The following ATRNL1 variants were observed in gnomAD, a reference collection of about 807,000 sequenced individuals.
The protein encoded by ATRNL1 is attractin like 1.
ATRNL1 carries 95 observed loss-of-function variants against 182.7 expected under a neutral mutation model. That is an observed-to-expected ratio of 0.52 (90% CI 0.44 to 0.62). The LOEUF (loss-of-function observed/expected upper bound fraction) is 0.62, where lower values mean the gene tolerates loss of function less well. Ranked by LOEUF, ATRNL1 falls within the 20% of genes least tolerant of loss-of-function variation. The pLI is 0.00. For missense variants in ATRNL1, 1,471 were observed against 1,679.5 expected (o/e 0.88, Z 2.17); for synonymous variants, 576 against 568.3 (o/e 1.01, Z -0.19).
In ATRNL1 at chr10:115,327,078, A is replaced by G. The variant is rs1178466643; in HGVS notation, c.3038-7204A>G. On this transcript the variant is annotated intron_variant, in intron 18 of 28. Coordinates refer to ENST00000355044, the MANE Select transcript of ATRNL1 (RefSeq NM_207303.4). ...GCAATGGCAACAAAAGCCAAAATTG[A>G]CAAATGGGATCTAATTAAACTAAAG... Among the ~76,000 whole-genome samples, 69 of 151,326 alleles carry G rather than the reference A, an allele frequency of 4.6e-4. 1 individual carries two copies. Among genetic ancestry groups the G allele is most frequent in the Non-Finnish European group, 1.0e-4 (7 of 67,492 alleles).
intron 26 of ATRNL1, among the ~76,000 whole-genome samples, chr10:115,697,604 G>A (rs1352843847): frequency 1.3e-5 from 2 of 152,106 alleles, no homozygotes; most frequent in African/African-American, 4.8e-5. Context: ...AGGATTACAG[G>A]CATGAGCCAC....
At chr10:115,316,303 G>T (rs895188409) in intron 18 of ATRNL1, among the ~76,000 whole-genome samples, 1 of 152,066 alleles carries the variant, frequency 6.6e-6, no homozygotes, top group South Asian at 2.1e-4. Context: ...ACTTTTTATG[G>T]CTATGCAGTA....
At chr10:115,202,747 A>C (rs1473392743) in intron 8 of ATRNL1, among the ~76,000 whole-genome samples, 2 of 146,144 alleles carry the variant, frequency 1.4e-5, no homozygotes, top group African/African-American at 2.6e-5. Flanking sequence ...CTGGCCTCAT[A>C]AAATGAGTTA....
intron 9 of ATRNL1, among the ~76,000 whole-genome samples, chr10:115,239,575 C>T (rs1564843455): frequency 6.6e-6 from 1 of 152,042 alleles, no homozygotes; most frequent in Non-Finnish European, 1.5e-5. Flanking sequence ...TGGGGAAAAA[C>T]TTCTGTGCTA....
chr10:115,189,271 TAAAC>T (rs1247933027), intron 8 of ATRNL1, among the ~76,000 whole-genome samples: 2 of 152,164 alleles, frequency 1.3e-5, no homozygotes, highest in Non-Finnish European at 2.9e-5. Flanking sequence ...ATGCTGATAA[TAAAC>T]AACTATGTTA....
chr10:115,412,525 T>C (rs1554960130), intron 20 of ATRNL1, among the ~76,000 whole-genome samples: 1 of 152,252 alleles, frequency 6.6e-6, no homozygotes, highest in African/African-American at 2.4e-5. Flanking sequence ...TGTATTTTTA[T>C]TGAGCAATAG....
chr10:115,640,785 A>G (rs1859191339), intron 26 of ATRNL1, among the ~76,000 whole-genome samples: 1 of 152,084 alleles, frequency 6.6e-6, no homozygotes, highest in Admixed American at 6.5e-5. Flanking sequence ...ATTAGATCCC[A>G]TTTGTCAATT....
chr10:115,604,203 G>T (rs1237377443), intron 26 of ATRNL1, among the ~76,000 whole-genome samples: 1 of 151,986 alleles, frequency 6.6e-6, no homozygotes, highest in East Asian at 1.9e-4. Flanking sequence ...ATATGAATTT[G>T]GTTGTATTTT....
chr10:115,417,385 T>C (rs1845441066), intron 20 of ATRNL1, among the ~76,000 whole-genome samples: 1 of 152,178 alleles, frequency 6.6e-6, no homozygotes, highest in African/African-American at 2.4e-5. Context: ...ATCCTGCAGA[T>C]TGTGAGTCTG....
chr10:115,369,183 A>T (rs1340147468), intron 19 of ATRNL1, among the ~76,000 whole-genome samples: 2 of 151,120 alleles, frequency 1.3e-5, no homozygotes, highest in Admixed American at 6.6e-5. Flanking sequence ...TTTTAAATAT[A>T]TATATTATAA....
chr10:115,223,816 TA>T (rs1255868410), intron 9 of ATRNL1, among the ~76,000 whole-genome samples: 4 of 146,972 alleles, frequency 2.7e-5, no homozygotes, highest in African/African-American at 7.5e-5. Context: ...GGTGATTACA[TA>T]AAAATAATAA....
chr10:115,679,303 TTTGG>T (rs1396150099), intron 26 of ATRNL1, among the ~76,000 whole-genome samples: 12 of 151,786 alleles, frequency 7.9e-5, no homozygotes, highest in African/African-American at 1.7e-4. Flanking sequence ...TTTTTGTTTG[TTTGG>T]TTGGTTGGTT....
chr10:115,590,870 T>C (rs556123697), intron 26 of ATRNL1, among the ~76,000 whole-genome samples: 1 of 152,302 alleles, frequency 6.6e-6, no homozygotes, highest in South Asian at 2.1e-4. Flanking sequence ...ACCATCCCTC[T>C]TCCTGTGTGA....
intron 27 of ATRNL1, among the ~76,000 whole-genome samples, chr10:115,765,635 A>C (rs909943600): frequency 6.6e-6 from 1 of 152,172 alleles, no homozygotes; most frequent in South Asian, 2.1e-4. Context: ...TAAGTCTTCA[A>C]TTTTAATGAA....
Position 115,171,043 on chromosome 10 carries a change from A to T in ATRNL1, c.1099A>T (p.Ile367Phe). The T allele has an allele frequency of 6.5e-7, 1 of 1,540,024 alleles. No individual in the cohort carries two copies. Among genetic ancestry groups the T allele is most frequent in the South Asian group, 1.3e-5 (1 of 76,642 alleles). The change falls in exon 8 of 29, where the codon ATC becomes TTC. Residue 367 changes from isoleucine to phenylalanine, a missense_variant. Physicochemically the swap from Ile to Phe is conservative, Grantham distance 21. Coordinates refer to ENST00000355044, the MANE Select transcript of ATRNL1 (RefSeq NM_207303.4). ...GHSLALYQEN[I>F]FMYGGRIETN... ...TATGTATTTTAATTTACAGGAAAAC[A>T]TCTTTATGTATGGAGGCAGAATTGA...
intron 1 of ATRNL1, among the ~76,000 whole-genome samples, chr10:115,118,989 A>G (rs1308751019): frequency 2.0e-4 from 30 of 152,052 alleles, no homozygotes; most frequent in African/African-American, 7.0e-4. Flanking sequence ...TGTAATATGG[A>G]GTTATTAATT....
chr10:115,264,202 G>T (rs1851512736), intron 10 of ATRNL1, among the ~76,000 whole-genome samples: 1 of 150,922 alleles, frequency 6.6e-6, no homozygotes, highest in African/African-American at 2.4e-5. Context: ...TTACAGTTTT[G>T]GTTTTTATAA....
chr10:115,735,456 G>A (rs782664970), intron 27 of ATRNL1, among the ~76,000 whole-genome samples: 1 of 152,048 alleles, frequency 6.6e-6, no homozygotes, highest in South Asian at 2.1e-4. Flanking sequence ...AAGAGTCCCC[G>A]TGGATGCCTG....
At chr10:115,252,745 G>A (rs1211299175) in intron 10 of ATRNL1, among the ~76,000 whole-genome samples, 1 of 152,120 alleles carries the variant, frequency 6.6e-6, no homozygotes, top group Non-Finnish European at 1.5e-5. Context: ...AGACCCTCTG[G>A]CTTTATCAGC....
Sources: allele counts gnomAD v4.1 joint callset (sites outside exome capture counted in the v4.1 genomes callset), GRCh38; gene constraint gnomAD v4.1.1; transcripts MANE v1.5; gene names NCBI Gene and HGNC (gene_info 2026-07-23, HGNC 2026-07-21).